Variants in IRAK3 observed in about 807,000 individuals in gnomAD.
IRAK3 encodes interleukin-1 receptor-associated kinase 3.
In IRAK3, 57 loss-of-function variants were observed where a neutral mutation model predicts 56.6. That is an observed-to-expected ratio of 1.01 (90% CI 0.81 to 1.26). The LOEUF (loss-of-function observed/expected upper bound fraction) is 1.26, where lower values mean the gene tolerates loss of function less well. Among genes scored for constraint, IRAK3 ranks in the 50% most tolerant of loss-of-function variants. The probability of loss-of-function intolerance (pLI) is 0.00; values close to 1 mark genes in which losing one functional copy is unlikely to be tolerated. For synonymous variants in IRAK3, 258 were observed against 255.7 expected (o/e 1.01, Z -0.09); for missense variants, 703 against 719.0 (o/e 0.98, Z 0.25).
At chr12:66,200,188 A>G (rs2052493306) in intron 1 of IRAK3, among the ~76,000 whole-genome samples, 1 of 152,244 alleles carries the variant, frequency 6.6e-6, no homozygotes, top group South Asian at 2.1e-4. Context: ...ACAGAGTAAC[A>G]AAATTCAAGA....
intron 1 of IRAK3, among the ~76,000 whole-genome samples, chr12:66,190,970 A>G (rs1592571022): frequency 6.6e-6 from 1 of 152,360 alleles, no homozygotes; most frequent in East Asian, 1.9e-4. Flanking sequence ...CATTTCAAGC[A>G]TGCAGCCCTA....
intron 8 of IRAK3, among the ~76,000 whole-genome samples, chr12:66,238,671 G>A (rs1157605162): frequency 6.6e-6 from 1 of 152,216 alleles, no homozygotes; most frequent in Non-Finnish European, 1.5e-5. Flanking sequence ...GGCCTGGAAA[G>A]CGGTGAGAGT....
At position 66,252,715 on chromosome 12, in the gene IRAK3, C is replaced by T. The variant is rs1214511700; in HGVS notation, c.*4544C>T. 4 of 152,276 alleles carry T rather than the reference C, an allele frequency of 2.6e-5. No homozygotes were observed. Among genetic ancestry groups the T allele is most frequent in the Non-Finnish European group, 4.4e-5 (3 of 68,090 alleles). The allele number at this position is 152,276 out of a possible 1,614,324, so 9.4% of individuals were successfully genotyped here. On this transcript the variant is annotated 3_prime_UTR_variant, in exon 12 of 12. Transcript: ENST00000261233. Reference sequence around the variant, plus strand: ...GTGGTTCTCCTGTCATAGGTCCTGGCTCCTCTGCCAGCTCTTCCAAATGGG... The same window carrying T: ...GTGGTTCTCCTGTCATAGGTCCTGGTTCCTCTGCCAGCTCTTCCAAATGGG...
chr12:66,225,754 A>T (rs1197571980), intron 6 of IRAK3, among the ~76,000 whole-genome samples: 5 of 152,152 alleles, frequency 3.3e-5, no homozygotes, highest in Non-Finnish European at 7.4e-5. Flanking sequence ...AGGAAAAAAA[A>T]AAGCCTGAGA....
At chr12:66,243,946 T>A (rs2052999396) in intron 8 of IRAK3, among the ~76,000 whole-genome samples, 1 of 152,188 alleles carries the variant, frequency 6.6e-6, no homozygotes, top group African/African-American at 2.4e-5. Context: ...CTGCAAACAT[T>A]TGTATTTTAA....
At chr12:66,240,090 G>A (rs1233296409) in intron 8 of IRAK3, among the ~76,000 whole-genome samples, 1 of 152,118 alleles carries the variant, frequency 6.6e-6, no homozygotes, top group Non-Finnish European at 1.5e-5. Context: ...GGGATTTTAA[G>A]GTAAGGTAAT....
At chr12:66,247,558 T>A in intron 11 of IRAK3, 137 bp from the exon 12 acceptor site, 1 of 656,824 alleles carries the variant, frequency 1.5e-6, no homozygotes, top group East Asian at 2.7e-5. Flanking sequence ...ATCTTTAAGA[T>A]CCCTTCTAAT....
rs938060280 is a variant in IRAK3, at chr12:66,200,821, T to G, written c.134-2890T>G. 2.6e-5 allele frequency among the ~76,000 whole-genome samples: 4 copies of G among 152,232 alleles called. No individual in the cohort carries two copies. The East Asian group carries it at 7.7e-4, about 29-fold the overall frequency. On this transcript the variant is annotated intron_variant, in intron 1 of 11. Coordinates refer to ENST00000261233, the MANE Select transcript of IRAK3 (RefSeq NM_007199.3). ...ACTCTAAAACAGACTTTTGTGTGTT[T>G]GTGTGTGGAAACAGAGTCTCACTCT...
intron 8 of IRAK3, chr12:66,235,282 G>C (rs897530898): frequency 6.7e-7 from 1 of 1,486,132 alleles, no homozygotes; most frequent in African/African-American, 1.4e-5. Context: ...TGCTGGGGAA[G>C]ATCATCGCTG....
At chr12:66,234,449 A>T (rs1233930408) in intron 8 of IRAK3, 2 of 1,611,410 alleles carry the variant, frequency 1.2e-6, no homozygotes, top group African/African-American at 1.3e-5. Context: ...TTGAGTGATC[A>T]TTCGGTTTGT....
intron 6 of IRAK3, among the ~76,000 whole-genome samples, chr12:66,220,730 C>G (rs990020975): frequency 6.6e-6 from 1 of 151,676 alleles, no homozygotes; most frequent in African/African-American, 2.4e-5. Context: ...CCGTTTTAGC[C>G]GGGACGGTCT....
chr12:66,253,335 C>G lies in IRAK3; in HGVS notation c.*5164C>G, dbSNP rs1483471175. ...TGTATGTGTTGCTTATAAATTTTCT[C>G]TATGGTGGAAAATATTCCCAAACCA... On this transcript the variant is annotated 3_prime_UTR_variant, in exon 12 of 12. Transcript: ENST00000261233. The G allele has an allele frequency of 6.6e-6, 1 of 152,172 alleles. No individual in the cohort carries two copies. Among genetic ancestry groups the G allele is most frequent in the Non-Finnish European group, 1.5e-5 (1 of 68,036 alleles). The allele number at this position is 152,172 out of a possible 1,614,324, so 9.4% of individuals were successfully genotyped here.
intron 8 of IRAK3, among the ~76,000 whole-genome samples, chr12:66,243,259 T>G (rs1162163064): frequency 6.6e-6 from 1 of 152,236 alleles, no homozygotes; most frequent in African/African-American, 2.4e-5. Flanking sequence ...CCTATGGAAC[T>G]GGGGCCTGCC....
intron 6 of IRAK3, among the ~76,000 whole-genome samples, chr12:66,221,314 C>T (rs757726734): frequency 1.3e-5 from 2 of 152,284 alleles, no homozygotes; most frequent in Non-Finnish European, 2.9e-5. Context: ...ACAGAGCCAC[C>T]TTTAACTTGC....
chr12:66,217,287 CTG>C, intron 6 of IRAK3, 52 bp downstream of exon 6: 1 of 1,311,824 alleles, frequency 7.6e-7, no homozygotes, highest in Non-Finnish European at 1.1e-6. Flanking sequence ...GGTTTCATCT[CTG>C]TTCATTTTTT....
At chr12:66,213,803 G>A (rs2052637554) in intron 5 of IRAK3, among the ~76,000 whole-genome samples, 1 of 150,264 alleles carries the variant, frequency 6.7e-6, no homozygotes, top group Non-Finnish European at 1.5e-5. Context: ...AAAAAAGATA[G>A]CGACTCTCTC....
intron 8 of IRAK3, among the ~76,000 whole-genome samples, chr12:66,232,266 T>C (rs1299724854): frequency 6.6e-6 from 1 of 152,176 alleles, no homozygotes; most frequent in African/African-American, 2.4e-5. Flanking sequence ...CACCCAGGCA[T>C]GTGTCAGGGT....
intron 2 of IRAK3, among the ~76,000 whole-genome samples, chr12:66,207,111 G>T (rs1197464060): frequency 6.6e-6 from 1 of 152,074 alleles, no homozygotes; most frequent in Non-Finnish European, 1.5e-5. Context: ...TAAGCTAAAA[G>T]ATTGTCAATT....
chr12:66,237,664 G>T lies in IRAK3; in HGVS notation c.888-6822G>T, dbSNP rs144692399. Among the ~76,000 whole-genome samples the T allele has an allele frequency of 2.3e-3, 345 of 152,278 alleles. 2 individuals carry two copies. The highest frequency in any genetic ancestry group is 8.2e-3 in the African/African-American group (340 of 41,558). On this transcript the variant is annotated intron_variant, in intron 8 of 11. Coordinates refer to ENST00000261233, the MANE Select transcript of IRAK3 (RefSeq NM_007199.3). ...TGGGCCTCATTCACCTCCTCTGCAG[G>T]ATTCTATAGCAGTGATGACAAGTCA...
Sources: allele counts gnomAD v4.1 joint callset (sites outside exome capture counted in the v4.1 genomes callset), GRCh38; gene constraint gnomAD v4.1.1; transcripts MANE v1.5; gene names NCBI Gene and HGNC (gene_info 2026-07-23, HGNC 2026-07-21).